Variants in ADGRG7 observed in about 807,000 individuals in gnomAD.
ADGRG7 encodes the protein G-protein coupled receptor 128.
Under a neutral mutation model 88.6 loss-of-function variants are expected in ADGRG7, and 82 were observed. The observed-to-expected ratio is 0.93, with a 90% CI of 0.77 to 1.11. The LOEUF (loss-of-function observed/expected upper bound fraction) is 1.11. Ranked by LOEUF, ADGRG7 falls within the 50% of genes most tolerant of loss-of-function variation. The pLI is 0.00. For synonymous variants in ADGRG7, 381 were observed against 345.2 expected (o/e 1.10, Z -1.15); for missense variants, 945 against 953.4 (o/e 0.99, Z 0.12).
intron 1 of ADGRG7, among the ~76,000 whole-genome samples, chr3:100,623,180 C>T (rs1327871786): frequency 6.6e-6 from 1 of 151,924 alleles, no homozygotes; most frequent in Non-Finnish European, 1.5e-5. Flanking sequence ...AATCTTTAGC[C>T]CAAAGTTGCA....
At chr3:100,681,227 A>C (rs1324209101) in intron 15 of ADGRG7, among the ~76,000 whole-genome samples, 3 of 151,626 alleles carry the variant, frequency 2.0e-5, no homozygotes, top group African/African-American at 7.3e-5. Flanking sequence ...TAACCTTTTT[A>C]GTTATTTATT....
chr3:100,616,671 A>C (rs1345830998), intron 1 of ADGRG7, among the ~76,000 whole-genome samples: 1 of 152,116 alleles, frequency 6.6e-6, no homozygotes, highest in Non-Finnish European at 1.5e-5. Context: ...TTATTTCAAA[A>C]ATAACCAGGC....
At chr3:100,641,803 A>G (rs537496265) in intron 6 of ADGRG7, among the ~76,000 whole-genome samples, 1 of 152,272 alleles carries the variant, frequency 6.6e-6, no homozygotes, top group East Asian at 1.9e-4. Flanking sequence ...TTAGCCTCTT[A>G]TTTTTAATTT....
chr3:100,695,135 C>A lies in ADGRG7; in HGVS notation c.*134C>A. The A allele has an allele frequency of 1.1e-6, 1 of 882,908 alleles. No individual in the cohort carries two copies. Among genetic ancestry groups the A allele is most frequent in the Non-Finnish European group, 1.7e-6 (1 of 583,508 alleles). The allele number at this position is 882,908 out of a possible 1,614,324, so 54.7% of individuals were successfully genotyped here. A position where few individuals can be genotyped will look rare whatever the true frequency, so the allele number is the denominator to read the frequency against. ...CTCAGGATTAAGAATTAGATAAAAC[C>A]TGTTGTTTATTATTATTCGGCATAA... On this transcript the variant is annotated 3_prime_UTR_variant, in exon 16 of 16. Transcript: ENST00000273352.
intron 11 of ADGRG7, among the ~76,000 whole-genome samples, chr3:100,653,570 T>C (rs2094932694): frequency 6.6e-6 from 1 of 152,182 alleles, no homozygotes; most frequent in Non-Finnish European, 1.5e-5. Flanking sequence ...TTACCTCATG[T>C]TATATTAAAA....
chr3:100,646,938 T>C (rs1019584809), intron 10 of ADGRG7, among the ~76,000 whole-genome samples: 1 of 152,148 alleles, frequency 6.6e-6, no homozygotes, highest in African/African-American at 2.4e-5. Context: ...GGCGGGCAGA[T>C]CACGAGGTCA....
At chr3:100,649,907 C>G (rs1168089450) in intron 11 of ADGRG7, 100 bp downstream of exon 11, 2 of 583,310 alleles carry the variant, frequency 3.4e-6, no homozygotes, top group Non-Finnish European at 6.0e-6. Flanking sequence ...TAGGCAAGAA[C>G]TCAGAGAGGT....
rs747151405 is a variant in ADGRG7, at chr3:100,609,874, C to T, written c.18C>T (p.Ala6=). The change falls in exon 1 of 16, where the codon GCC becomes GCT. Residue 6 remains alanine (A), a synonymous_variant. Coordinates refer to ENST00000273352, the MANE Select transcript of ADGRG7 (RefSeq NM_032787.3). MASCR[A]WNLRVLVAVV... ...GCTTCACCATGGCTTCCTGCCGTGCCTGGAACCTTAGGGTGCTGGTGGCTG... is the reference window on the plus strand; with the variant it reads ...GCTTCACCATGGCTTCCTGCCGTGCTTGGAACCTTAGGGTGCTGGTGGCTG... The T allele has an allele frequency of 5.0e-6, 8 of 1,613,922 alleles. No homozygotes were observed. Among genetic ancestry groups the T allele is most frequent in the South Asian group, 1.1e-5 (1 of 91,068 alleles).
intron 15 of ADGRG7, among the ~76,000 whole-genome samples, chr3:100,674,608 C>T (rs992313101): frequency 8.8e-5 from 13 of 147,148 alleles, no homozygotes; most frequent in Admixed American, 2.7e-4. Context: ...GACAGAGTCT[C>T]GCTCTGTCAC....
chr3:100,654,771 C>A, intron 11 of ADGRG7, 64 bp from the exon 12 acceptor site: 1 of 970,238 alleles, frequency 1.0e-6, no homozygotes, highest in Non-Finnish European at 1.5e-6. Flanking sequence ...AATTTCACTG[C>A]AGTTTGTTTT....
At chr3:100,646,270 A>C in intron 9 of ADGRG7, 162 bp downstream of exon 9, 4 of 667,504 alleles carry the variant, frequency 6.0e-6, no homozygotes, top group Non-Finnish European at 1.0e-5. Context: ...ACCACTCTTG[A>C]ATAGCAAAAG....
At chr3:100,671,624 T>C (rs1215688614) in intron 15 of ADGRG7, among the ~76,000 whole-genome samples, 1 of 152,192 alleles carries the variant, frequency 6.6e-6, no homozygotes, top group East Asian at 1.9e-4. Context: ...TCATGAAGTC[T>C]TTGCACATGC....
chr3:100,646,216 G>T, intron 9 of ADGRG7, 108 bp downstream of exon 9: 1 of 645,810 alleles, frequency 1.5e-6, no homozygotes, highest in Admixed American at 3.3e-5. Context: ...GAATAGGAGG[G>T]CGGGGGGGAG....
At chr3:100,653,626 T>A (rs1418139511) in intron 11 of ADGRG7, among the ~76,000 whole-genome samples, 5 of 152,204 alleles carry the variant, frequency 3.3e-5, no homozygotes, top group Non-Finnish European at 5.9e-5. Flanking sequence ...TTATTTCTAA[T>A]GATTTTGTGG....
intron 10 of ADGRG7, among the ~76,000 whole-genome samples, chr3:100,649,170 A>G (rs2094924194): frequency 1.3e-5 from 2 of 152,242 alleles, no homozygotes; most frequent in African/African-American, 4.8e-5. Flanking sequence ...ATCAAGGAAA[A>G]GTATAAATAG....
intron 4 of ADGRG7, among the ~76,000 whole-genome samples, chr3:100,633,686 T>C (rs566488742): frequency 3.5e-4 from 54 of 152,152 alleles, no homozygotes; most frequent in Admixed American, 9.8e-4. Context: ...CGTGCCCGAC[T>C]AATTTTTGTA....
chr3:100,676,941 G>A (rs758329867), intron 15 of ADGRG7, among the ~76,000 whole-genome samples: 1 of 151,822 alleles, frequency 6.6e-6, no homozygotes, highest in Non-Finnish European at 1.5e-5. Flanking sequence ...GGTTTCTGTG[G>A]AGTATCTTTC....
At chr3:100,639,047 T>A (rs1470669934) in intron 6 of ADGRG7, among the ~76,000 whole-genome samples, 7 of 143,778 alleles carry the variant, frequency 4.9e-5, no homozygotes, top group African/African-American at 2.0e-4. Context: ...TGTGTGTGTG[T>A]GTGTGTGTGT....
chr3:100,653,355 A>G (rs1012955901), intron 11 of ADGRG7, among the ~76,000 whole-genome samples: 1 of 152,212 alleles, frequency 6.6e-6, no homozygotes, highest in African/African-American at 2.4e-5. Context: ...TTATTAAAAA[A>G]TTGTATTTGG....
Sources: gnomAD v4.1 joint callset for allele counts (sites outside exome capture counted in the v4.1 genomes callset) on GRCh38, gnomAD v4.1.1 for gene constraint, MANE v1.5 for transcripts, NCBI Gene and HGNC (gene_info 2026-07-23, HGNC 2026-07-21) for gene names.